WNK3: variants seen among roughly 807,000 people sequenced by gnomAD.
WNK3 encodes the protein WNK lysine deficient protein kinase 3, also known as serine/threonine-protein kinase WNK3.
In WNK3, 18 loss-of-function variants were observed where a neutral mutation model predicts 116.7. The observed-to-expected ratio is 0.15, with a 90% CI of 0.11 to 0.23. The LOEUF is 0.23. Ranked by LOEUF, WNK3 falls within the 10% of genes least tolerant of loss-of-function variation. The pLI is 1.00. For missense variants in WNK3, 993 were observed against 1,323.8 expected (o/e 0.75, Z 3.88); for synonymous variants, 404 against 469.4 (o/e 0.86, Z 1.80).
chrX:54,313,847 C>G (rs1025185649), intron 2 of WNK3, among the ~76,000 whole-genome samples: 1 of 110,936 alleles, frequency 9.0e-6, no homozygotes, highest in African/African-American at 3.3e-5. Context: ...TTCATAATAT[C>G]CTGTCTAATG....
At chrX:54,358,063 G>T (rs1038028464), upstream of WNK3, 1 of 111,159 alleles carries the variant, frequency 9.0e-6, no homozygotes, top group Non-Finnish European at 1.9e-5. Flanking sequence ...GGGGCGGAGG[G>T]GGGGCGGGGA....
At chrX:54,223,966 C>T in intron 22 of WNK3, 1 of 141,855 alleles carries the variant, frequency 7.0e-6, no homozygotes. Flanking sequence ...ATGACAATGA[C>T]AGACAGGATG....
intron 2 of WNK3, among the ~76,000 whole-genome samples, chrX:54,329,290 C>T (rs1299987211): frequency 1.8e-5 from 2 of 111,659 alleles, no homozygotes; most frequent in African/African-American, 3.2e-5. Flanking sequence ...GACCACACTT[C>T]GAGTAGTAAG....
chrX:54,287,197 C>T (rs1453333505), intron 10 of WNK3, among the ~76,000 whole-genome samples: 1 of 111,405 alleles, frequency 9.0e-6, no homozygotes, highest in Non-Finnish European at 1.9e-5. Flanking sequence ...TAGTATTTGG[C>T]AATAAGAATC....
intron 17 of WNK3, among the ~76,000 whole-genome samples, chrX:54,240,850 G>A (rs782343047): frequency 9.0e-6 from 1 of 111,497 alleles, no homozygotes; most frequent in African/African-American, 3.3e-5. Context: ...CTCTGCCTAT[G>A]ACTGTCACCA....
chrX:54,204,251 C>A (rs2067529590), intron 22 of WNK3, among the ~76,000 whole-genome samples: 1 of 110,520 alleles, frequency 9.0e-6, no homozygotes. Context: ...TCCCGAGTAG[C>A]TGGAATCAAG....
chrX:54,203,878 C>T (rs1317555482), intron 22 of WNK3, among the ~76,000 whole-genome samples: 4 of 109,547 alleles, frequency 3.7e-5, no homozygotes, highest in African/African-American at 1.3e-4. Flanking sequence ...ACCAGGGAGG[C>T]GGAGGTTGCA....
chrX:54,306,238 A>G (rs1242630461), intron 5 of WNK3, among the ~76,000 whole-genome samples: 1 of 110,990 alleles, frequency 9.0e-6, no homozygotes, highest in Non-Finnish European at 1.9e-5. Context: ...GGAAAATGGT[A>G]TGGAACTTCC....
At position 54,251,943 on chromosome X, in the gene WNK3, T is replaced by C. The variant is rs139558690; in HGVS notation, c.2368-256A>G. Among the ~76,000 whole-genome samples, 916 of 107,689 alleles carry C rather than the reference T, an allele frequency of 8.5e-3. 7 individuals carry two copies. The highest frequency in any genetic ancestry group is 0.013 in the Non-Finnish European group (698 of 52,242). The allele number at this position is 107,689 out of a possible 115,157, so 93.5% of individuals were successfully genotyped here. A position where few individuals can be genotyped will look rare whatever the true frequency, so the allele number is the denominator to read the frequency against. On this transcript the variant is annotated intron_variant, in intron 13 of 23. Coordinates refer to ENST00000354646, the Ensembl canonical transcript of WNK3. ...AACTGGGTATGATGGCGGGTGCCTG[T>C]AATCCCAGCTACTTGGGAGGCTGAG...
At chrX:54,234,511 T>C (rs2067939479) in intron 20 of WNK3, among the ~76,000 whole-genome samples, 1 of 111,740 alleles carries the variant, frequency 8.9e-6, no homozygotes, top group Non-Finnish European at 1.9e-5. Flanking sequence ...CATTTGACAA[T>C]GGTTTAAAAG....
chrX:54,305,781 C>T (rs782387194), intron 5 of WNK3, among the ~76,000 whole-genome samples: 2 of 110,522 alleles, frequency 1.8e-5, no homozygotes, highest in African/African-American at 6.6e-5. Flanking sequence ...GGTGGCCGGG[C>T]GCAGTGGCTC....
intron 17 of WNK3, among the ~76,000 whole-genome samples, chrX:54,240,257 C>T (rs1322917859): frequency 5.5e-5 from 6 of 108,641 alleles, no homozygotes; most frequent in African/African-American, 1.7e-4. Flanking sequence ...GAGCCGAGAT[C>T]GCACCATTGC....
intron 20 of WNK3, 39 bp downstream of exon 20, chrX:54,236,899 G>C (rs782552765): frequency 1.7e-6 from 2 of 1,154,800 alleles, no homozygotes; most frequent in Non-Finnish European, 2.3e-6. Context: ...ATAAAACCTA[G>C]GGCAACCAGA....
intron 1 of WNK3, among the ~76,000 whole-genome samples, chrX:54,344,266 AC>A (rs1344720925): frequency 9.1e-6 from 1 of 109,771 alleles, no homozygotes; most frequent in African/African-American, 3.3e-5. Flanking sequence ...ACACGATGAA[AC>A]CCCGTCTCTA....
intron 13 of WNK3, among the ~76,000 whole-genome samples, chrX:54,251,934 G>A (rs782464381): frequency 7.4e-5 from 8 of 108,002 alleles, no homozygotes; most frequent in African/African-American, 1.0e-4. Context: ...GTATGATGGC[G>A]GGTGCCTGTA....
intron 1 of WNK3, among the ~76,000 whole-genome samples, chrX:54,353,656 A>G: frequency 9.4e-6 from 1 of 106,583 alleles, no homozygotes; most frequent in Middle Eastern, 4.9e-3. Flanking sequence ...CTAAGGCAGG[A>G]GAATCATTTG....
chrX:54,309,303 T>A (rs781786849), exon 4 of WNK3: 2 of 1,203,132 alleles, frequency 1.7e-6, no homozygotes, highest in South Asian at 3.5e-5. Context: ...TGACTTTAAA[T>A]CGTTTTAAGT....
At chrX:54,255,911 A>G in intron 11 of WNK3, 24 bp from the exon 12 acceptor site, 1 of 1,174,274 alleles carries the variant, frequency 8.5e-7, no homozygotes, top group African/African-American at 1.8e-5. Context: ...TAAAAAAGTA[A>G]CTCATTCCAG....
chrX:54,314,004 C>T (rs1252606910), intron 2 of WNK3, among the ~76,000 whole-genome samples: 1 of 108,206 alleles, frequency 9.2e-6, no homozygotes, highest in Non-Finnish European at 1.9e-5. Flanking sequence ...CCAGCCTAGT[C>T]GACATGGTGA....
Sources: gnomAD v4.1 joint callset for allele counts (sites outside exome capture counted in the v4.1 genomes callset) on GRCh38, gnomAD v4.1.1 for gene constraint, MANE v1.5 for transcripts, NCBI Gene and HGNC (gene_info 2026-07-23, HGNC 2026-07-21) for gene names.